The following STOX2 variants were observed in gnomAD, a reference collection of about 807,000 sequenced individuals.
The protein encoded by STOX2 is storkhead box 2, also known as storkhead-box protein 2.
A neutral mutation model predicts 60.9 loss-of-function variants in STOX2; 28 were observed. The observed-to-expected ratio is 0.46, with a 90% CI of 0.34 to 0.63. The LOEUF is 0.63. Ranked by LOEUF, STOX2 falls within the 30% of genes least tolerant of loss-of-function variation. The pLI is 0.01. For synonymous variants in STOX2, 472 were observed against 463.9 expected (o/e 1.02, Z -0.22); for missense variants, 1,024 against 1,187.7 (o/e 0.86, Z 2.03).
intron 1 of STOX2, among the ~76,000 whole-genome samples, chr4:183,898,550 C>G (rs532116370): frequency 1.3e-5 from 2 of 152,192 alleles, no homozygotes; most frequent in East Asian, 3.9e-4. Context: ...GGAAATCATT[C>G]ACTTGCAAGC....
intron 1 of STOX2, among the ~76,000 whole-genome samples, chr4:183,944,686 C>G (rs1467505448): frequency 6.6e-6 from 1 of 152,084 alleles, no homozygotes; most frequent in African/African-American, 2.4e-5. Flanking sequence ...TGCACCCCAG[C>G]CTAGGTGACA....
intron 1 of STOX2, among the ~76,000 whole-genome samples, chr4:183,952,825 G>A (rs1743132850): frequency 6.6e-6 from 1 of 152,194 alleles, no homozygotes; most frequent in South Asian, 2.1e-4. Context: ...CAGGTATAAA[G>A]TGTGGTGTTT....
At chr4:183,986,304 C>CAT (rs920739880) in intron 1 of STOX2, among the ~76,000 whole-genome samples, 6 of 152,148 alleles carry the variant, frequency 3.9e-5, no homozygotes, top group African/African-American at 1.4e-4. Flanking sequence ...TTAAAAAGTG[C>CAT]ATCAGTAGCA....
At chr4:183,907,898 G>C (rs891775063) in intron 1 of STOX2, among the ~76,000 whole-genome samples, 30 of 152,272 alleles carry the variant, frequency 2.0e-4, no homozygotes, top group African/African-American at 7.2e-4. Context: ...GAAAAATTTA[G>C]ATTTTCTTCT....
Position 184,010,380 on chromosome 4 carries a change from A to G in STOX2, c.1542A>G (p.Glu514=). The part of the protein sequence containing the change: ...SSLGTPEDLA[E]GCSQDDQTPS... The stretch of plus-strand genomic sequence containing the variant: ...TAGGGACGCCGGAAGACCTTGCTGA[A>G]GGCTGCAGCCAAGACGACCAGACCC... Residue 514 remains glutamate (E), a synonymous_variant, in exon 3 of 4, where the codon GAA becomes GAG. Coordinates refer to ENST00000308497, the MANE Select transcript of STOX2 (RefSeq NM_020225.3). The surrounding 1 kb of genome is among the most constrained non-coding windows in gnomAD (Gnocchi z 4.5). 1 of 1,613,280 alleles carries G rather than the reference A, an allele frequency of 6.2e-7. No homozygotes were observed.
In STOX2 at chr4:184,011,508, G is replaced by A. The variant is rs538096892; in HGVS notation, c.2585+85G>A. ...CGTAACTTGACAAGTTTCTGATTTC[G>A]TAGTCTCAGTTCTATGGATGAGGGT... is the stretch of plus-strand genomic sequence containing the variant. On this transcript the variant is annotated intron_variant, in intron 3 of 3. Transcript: ENST00000308497. This position sits in a 1 kb window ranked among gnomAD's most constrained non-coding sequence, Gnocchi z 4.4. The A allele has an allele frequency of 6.8e-5, 108 of 1,578,644 alleles. No homozygotes were observed. The highest frequency in any genetic ancestry group is 1.7e-4 in the Middle Eastern group (1 of 5,958).
At chr4:183,915,422 T>C (rs537276854) in intron 1 of STOX2, among the ~76,000 whole-genome samples, 1 of 111,602 alleles carries the variant, frequency 9.0e-6, no homozygotes, top group East Asian at 2.1e-4. Flanking sequence ...GGTATTTGTC[T>C]TTTTTTTTTT....
chr4:183,866,684 G>A (rs1475747680), intron 1 of STOX2, among the ~76,000 whole-genome samples: 1 of 152,130 alleles, frequency 6.6e-6, no homozygotes, highest in Non-Finnish European at 1.5e-5. Flanking sequence ...CCTCTTGTTA[G>A]TGTTTCTAAA....
At chr4:183,972,379 T>C (rs1192161290) in intron 1 of STOX2, among the ~76,000 whole-genome samples, 3 of 152,140 alleles carry the variant, frequency 2.0e-5, no homozygotes, top group Non-Finnish European at 4.4e-5. Context: ...TACTGGAAGG[T>C]ACTGGGGAGA....
chr4:183,801,792 A>G (rs1434239887), intron 1 of STOX2, among the ~76,000 whole-genome samples: 1 of 152,122 alleles, frequency 6.6e-6, no homozygotes. Context: ...GTGAAGATCT[A>G]GAAGCCACTG....
chr4:183,843,157 AAAAAAAGAAAAAG>A (rs1323535858), intron 1 of STOX2, among the ~76,000 whole-genome samples: 291 of 151,866 alleles, frequency 1.9e-3, no homozygotes, highest in African/African-American at 6.2e-3. Context: ...CAAAAAAAAA[AAAAAAAGAAAAAG>A]AAAAAGAAAA....
chr4:183,983,870 G>C (rs924174324), intron 1 of STOX2, among the ~76,000 whole-genome samples: 2 of 152,158 alleles, frequency 1.3e-5, no homozygotes, highest in African/African-American at 4.8e-5. Context: ...CTGCAGCCTT[G>C]AACTCCTGCC....
intron 1 of STOX2, among the ~76,000 whole-genome samples, chr4:183,958,083 T>C (rs1297018360): frequency 6.7e-6 from 1 of 149,952 alleles, no homozygotes; most frequent in Non-Finnish European, 1.5e-5. Flanking sequence ...CAACCCAAGA[T>C]CGTGAATAAG....
chr4:183,904,814 G>A (rs1472926699), upstream of STOX2, among the ~76,000 whole-genome samples: 2 of 152,194 alleles, frequency 1.3e-5, no homozygotes, highest in African/African-American at 4.8e-5. Flanking sequence ...TCAAGCCTTG[G>A]AATAGCACAG....
upstream of STOX2, among the ~76,000 whole-genome samples, chr4:183,900,437 A>G (rs577606927): frequency 3.9e-5 from 6 of 152,192 alleles, no homozygotes; most frequent in Admixed American, 6.5e-5. Context: ...TCTAGATGCC[A>G]TTAGGAAAAT....
intron 1 of STOX2, among the ~76,000 whole-genome samples, chr4:183,869,291 G>A (rs949209245): frequency 2.6e-5 from 4 of 152,154 alleles, no homozygotes; most frequent in Non-Finnish European, 4.4e-5. Context: ...TGTTCGATGG[G>A]CCTAGAAACT....
intron 1 of STOX2, among the ~76,000 whole-genome samples, chr4:183,804,532 A>G (rs1464305464): frequency 6.6e-6 from 1 of 152,226 alleles, no homozygotes; most frequent in Non-Finnish European, 1.5e-5. Context: ...GTGGGATGGT[A>G]TTCTGCAGAG....
chr4:183,950,314 T>A (rs1021947711), intron 1 of STOX2, among the ~76,000 whole-genome samples: 1 of 152,178 alleles, frequency 6.6e-6, no homozygotes, highest in African/African-American at 2.4e-5. Flanking sequence ...TGAAATGGTC[T>A]CCGCCTTCAT....
chr4:184,006,879 A>G (rs113449376), intron 2 of STOX2, among the ~76,000 whole-genome samples: 8,904 of 148,978 alleles, frequency 0.06, 877 homozygotes, highest in African/African-American at 0.2. Context: ...AGCTGGGCGT[A>G]GTGGCGGGCG....
Sources: allele counts gnomAD v4.1 joint callset (sites outside exome capture counted in the v4.1 genomes callset), GRCh38; gene constraint gnomAD v4.1.1; non-coding constraint Gnocchi (gnomAD v3.1); transcripts MANE v1.5; gene names NCBI Gene and HGNC (gene_info 2026-07-23, HGNC 2026-07-21).